Variants in LDLRAD3 observed in about 807,000 individuals in gnomAD.
LDLRAD3 encodes the protein low-density lipoprotein receptor class A domain-containing protein 3.
A neutral mutation model predicts 29.4 loss-of-function variants in LDLRAD3; 20 were observed. That is an observed-to-expected ratio of 0.68 (90% CI 0.48 to 0.99). The LOEUF (loss-of-function observed/expected upper bound fraction) is 0.99. Among genes scored for constraint, LDLRAD3 ranks in the 50% least tolerant of loss-of-function variants. The pLI is 0.00. For synonymous variants in LDLRAD3, 157 were observed against 192.7 expected (o/e 0.81, Z 1.53); for missense variants, 420 against 454.3 (o/e 0.92, Z 0.69).
chr11:36,192,094 G>A (rs1449940962), intron 4 of LDLRAD3, among the ~76,000 whole-genome samples: 1 of 152,234 alleles, frequency 6.6e-6, no homozygotes, highest in Non-Finnish European at 1.5e-5. Context: ...TCTGGAAGAT[G>A]AGGGTCAAAG....
In LDLRAD3 at chr11:36,036,191, C is replaced by T. The variant is rs370672405; in HGVS notation, c.135C>T (p.Gly45=). The T allele has an allele frequency of 8.4e-5, 136 of 1,614,038 alleles. No homozygotes were observed. Among genetic ancestry groups the T allele is most frequent in the Non-Finnish European group, 1.1e-4 (130 of 1,180,040 alleles). Residue 45 remains glycine, a synonymous_variant, in exon 2 of 6, where the codon GGC becomes GGT. Transcript: ENST00000315571. The part of the protein sequence containing the change: ...FMCSNGRCIP[G]AWQCDGLPDC... ...GCAGCAATGGACGGTGCATCCCGGGCGCCTGGCAGTGTGACGGGCTGCCTG... is the reference window on the plus strand; with the variant it reads ...GCAGCAATGGACGGTGCATCCCGGGTGCCTGGCAGTGTGACGGGCTGCCTG...
At chr11:36,053,636 C>CA (rs1246649856) in intron 2 of LDLRAD3, among the ~76,000 whole-genome samples, 1 of 152,222 alleles carries the variant, frequency 6.6e-6, no homozygotes, top group Admixed American at 6.5e-5. Context: ...TTCTAACAAT[C>CA]AGAAGTGACT....
chr11:36,074,686 G>A (rs1437329991), intron 2 of LDLRAD3, among the ~76,000 whole-genome samples: 1 of 152,226 alleles, frequency 6.6e-6, no homozygotes, highest in African/African-American at 2.4e-5. Flanking sequence ...TCTCAGCGTA[G>A]ATGGCAAAGC....
At chr11:35,957,587 A>G (rs547099586) in intron 1 of LDLRAD3, among the ~76,000 whole-genome samples, 68 of 152,266 alleles carry the variant, frequency 4.5e-4, no homozygotes, top group African/African-American at 1.6e-3. Flanking sequence ...ACCTGAGCTC[A>G]GGAGTTTGGG....
At chr11:36,046,024 C>T (rs992349322) in intron 2 of LDLRAD3, among the ~76,000 whole-genome samples, 4 of 151,988 alleles carry the variant, frequency 2.6e-5, no homozygotes, top group Non-Finnish European at 4.4e-5. Flanking sequence ...CTATGCATAC[C>T]CATTGTTCAA....
intron 4 of LDLRAD3, among the ~76,000 whole-genome samples, chr11:36,148,038 T>C (rs1184920140): frequency 6.6e-6 from 1 of 152,026 alleles, no homozygotes; most frequent in Non-Finnish European, 1.5e-5. Flanking sequence ...CCTCGGCTAA[T>C]GGTTGTATTG....
intron 2 of LDLRAD3, among the ~76,000 whole-genome samples, chr11:36,053,739 A>G (rs960458859): frequency 1.3e-5 from 2 of 152,144 alleles, no homozygotes; most frequent in Non-Finnish European, 2.9e-5. Context: ...TGCCATTAAG[A>G]TCTCTCTTCA....
At chr11:36,154,214 G>A (rs764672849) in intron 4 of LDLRAD3, among the ~76,000 whole-genome samples, 6 of 152,136 alleles carry the variant, frequency 3.9e-5, no homozygotes, top group African/African-American at 7.2e-5. Context: ...ATGCCACACC[G>A]ACTGAAAGTA....
intron 4 of LDLRAD3, among the ~76,000 whole-genome samples, chr11:36,143,981 C>G (rs11033460): frequency 0.15 from 21,388 of 144,092 alleles, 1,852 homozygotes; most frequent in Admixed American, 0.28. Flanking sequence ...GATGCCGAGC[C>G]GAAGCTGGAC....
chr11:36,095,821 T>C (rs1466489848), intron 3 of LDLRAD3, among the ~76,000 whole-genome samples: 1 of 152,174 alleles, frequency 6.6e-6, no homozygotes, highest in Non-Finnish European at 1.5e-5. Flanking sequence ...CCAGGCTGTC[T>C]GAGTGAGCAG....
At chr11:36,219,271 G>T (rs1855395831) in intron 4 of LDLRAD3, among the ~76,000 whole-genome samples, 1 of 151,960 alleles carries the variant, frequency 6.6e-6, no homozygotes, top group African/African-American at 2.4e-5. Context: ...GGAGAGGAGG[G>T]GACATTTTGT....
At chr11:36,024,063 C>G (rs1852131489) in intron 1 of LDLRAD3, among the ~76,000 whole-genome samples, 1 of 152,100 alleles carries the variant, frequency 6.6e-6, no homozygotes, top group Admixed American at 6.5e-5. Context: ...AAGTGACCAC[C>G]ACGTTCCAGC....
intron 1 of LDLRAD3, among the ~76,000 whole-genome samples, chr11:36,008,955 C>T (rs993636684): frequency 5.3e-5 from 8 of 151,110 alleles, no homozygotes; most frequent in Middle Eastern, 3.4e-3. Flanking sequence ...TAATATATAT[C>T]GTCTTTTTAT....
intron 1 of LDLRAD3, among the ~76,000 whole-genome samples, chr11:36,004,161 G>A (rs1401218084): frequency 6.6e-6 from 1 of 152,106 alleles, no homozygotes. Context: ...TCTTATTTCA[G>A]CATTAACTCA....
chr11:36,099,885 C>T lies in LDLRAD3; in HGVS notation c.454+1424C>T, dbSNP rs192514781. Among the ~76,000 whole-genome samples, 5 of 152,160 alleles carry T rather than the reference C, an allele frequency of 3.3e-5. No homozygotes were observed. In the East Asian group the frequency reaches 9.6e-4, roughly 29 times the overall value. On this transcript the variant is annotated intron_variant, in intron 4 of 5. Transcript: ENST00000315571. The stretch of plus-strand genomic sequence containing the variant: ...TTGTGCAGAGAACAGCTGTGGGAGG[C>T]GAGTCTTGGATAGAATTAGCTTCTG...
At chr11:36,145,415 C>G (rs1276398330) in intron 4 of LDLRAD3, among the ~76,000 whole-genome samples, 10 of 107,934 alleles carry the variant, frequency 9.3e-5, no homozygotes, top group South Asian at 3.2e-4. Context: ...CCAGCCACCC[C>G]ATCCGGGAGG....
chr11:36,142,189 T>G (rs1854096368), intron 4 of LDLRAD3, among the ~76,000 whole-genome samples: 1 of 152,220 alleles, frequency 6.6e-6, no homozygotes, highest in Non-Finnish European at 1.5e-5. Context: ...ACACTCTGAA[T>G]GCAGTGACAC....
chr11:36,064,112 CA>C (rs1488623528), intron 2 of LDLRAD3, among the ~76,000 whole-genome samples: 1 of 152,122 alleles, frequency 6.6e-6, no homozygotes, highest in Non-Finnish European at 1.5e-5. Flanking sequence ...TTTCAGTGTA[CA>C]AGTCTTACAC....
chr11:36,026,099 C>T (rs866870328), intron 1 of LDLRAD3, among the ~76,000 whole-genome samples: 1 of 152,086 alleles, frequency 6.6e-6, no homozygotes, highest in African/African-American at 2.4e-5. Flanking sequence ...ATATTTACCT[C>T]TCCTGTACAT....
Sources: allele counts gnomAD v4.1 joint callset (sites outside exome capture counted in the v4.1 genomes callset), GRCh38; gene constraint gnomAD v4.1.1; transcripts MANE v1.5; gene names NCBI Gene and HGNC (gene_info 2026-07-23, HGNC 2026-07-21).